SPINT2: variants seen among roughly 807,000 people sequenced by gnomAD.
SPINT2 encodes serine peptidase inhibitor, Kunitz type 2.
SPINT2 carries 18 observed loss-of-function variants against 30.1 expected under a neutral mutation model. That is an observed-to-expected ratio of 0.60 (90% CI 0.41 to 0.89). The LOEUF (loss-of-function observed/expected upper bound fraction) is 0.89. Among genes scored for constraint, SPINT2 ranks in the 40% least tolerant of loss-of-function variants. The pLI is 0.00. For missense variants in SPINT2, 276 were observed against 334.3 expected (o/e 0.83, Z 1.36); for synonymous variants, 139 against 137.9 (o/e 1.01, Z -0.05).
At chr19:38,284,585 A>AC (rs1968620041) in intron 2 of SPINT2, among the ~76,000 whole-genome samples, 1 of 152,104 alleles carries the variant, frequency 6.6e-6, no homozygotes, top group African/African-American at 2.4e-5. Flanking sequence ...AGGGAGCAAA[A>AC]CAACAGGGCA....
At chr19:38,269,670 G>A (rs1264674647) in intron 1 of SPINT2, among the ~76,000 whole-genome samples, 1 of 150,316 alleles carries the variant, frequency 6.7e-6, no homozygotes, top group East Asian at 2.0e-4. Context: ...GAGTGCAGTG[G>A]CGCGTTCTCG....
chr19:38,290,539 C>T lies in SPINT2; in HGVS notation c.556C>T (p.Gln186Ter). The change falls in exon 6 of 7, where the codon CAG becomes TAG. Residue 186 changes from glutamine (Q) to a stop codon, truncating the protein, a stop_gained and splice_region_variant. Transcript: ENST00000301244. LOFTEE classifies it high-confidence loss of function. This position sits in a 1 kb window ranked among gnomAD's most constrained non-coding sequence, Gnocchi z 4.3. ...TCAGGCTGTGTGTTCTCTTCCAGGC[C>T]AGCAGGAGAATCCTCCCCTGCCCCT... ...EEACMLRCFR[Q>*]QENPPLPLGS... The T allele has an allele frequency of 6.2e-7, 1 of 1,614,120 alleles. No homozygotes were observed. The highest frequency in any genetic ancestry group is 2.2e-5 in the East Asian group (1 of 44,878).
In SPINT2 at chr19:38,271,274, G is replaced by A. The variant is rs561201952; in HGVS notation, c.106+6276G>A. 3.1e-4 allele frequency among the ~76,000 whole-genome samples: 47 copies of A among 151,918 alleles called. 2 individuals carry two copies. In the South Asian group the frequency reaches 9.0e-3, roughly 29 times the overall value. On this transcript the variant is annotated intron_variant, in intron 1 of 6. Transcript: ENST00000301244. ...TGGGAGGCCGAGGCAGGCGGGTCAC[G>A]AGATCAGGAGATCGAGACCATCCTG...
chr19:38,269,944 T>G (rs1286586020), intron 1 of SPINT2, among the ~76,000 whole-genome samples: 2 of 152,252 alleles, frequency 1.3e-5, no homozygotes, highest in Non-Finnish European at 2.9e-5. Context: ...CAGGCTGGTC[T>G]CGAACTCCCG....
chr19:38,273,702 G>A (rs557225865), intron 1 of SPINT2, among the ~76,000 whole-genome samples: 19 of 152,166 alleles, frequency 1.2e-4, no homozygotes, highest in African/African-American at 7.2e-5. Flanking sequence ...ACTTTGACCC[G>A]TGTGGTGGTT....
intron 2 of SPINT2, 52 bp from the exon 3 acceptor site, chr19:38,287,824 T>C: frequency 5.6e-6 from 9 of 1,601,772 alleles, no homozygotes; most frequent in Non-Finnish European, 7.7e-6. Context: ...TCTTTGTCCC[T>C]GGCAGTCTCT....
At chr19:38,273,962 G>A (rs1342087268) in intron 1 of SPINT2, among the ~76,000 whole-genome samples, 1 of 152,200 alleles carries the variant, frequency 6.6e-6, no homozygotes, top group African/African-American at 2.4e-5. Flanking sequence ...CAGGTGCGGT[G>A]GCTCACGCCT....
intron 4 of SPINT2, chr19:38,289,727 T>C (rs1295603132): frequency 6.1e-6 from 2 of 325,440 alleles, no homozygotes; most frequent in East Asian, 1.6e-4. Flanking sequence ...GTTAGAGGCG[T>C]AGCCTGGCAC....
rs1968491937 is a variant in SPINT2 at position 38,274,324 on chromosome 19, T to C, written c.107-9303T>C. Among the ~76,000 whole-genome samples the C allele has an allele frequency of 1.3e-5, 2 of 152,188 alleles. 1 individual carries two copies. Among genetic ancestry groups the C allele is most frequent in the South Asian group, 4.1e-4 (2 of 4,834 alleles). On this transcript the variant is annotated intron_variant, in intron 1 of 6. Transcript: ENST00000301244. The stretch of plus-strand genomic sequence containing the variant: ...CACAACAATGTTTTTTCTTTCTTTT[T>C]TTTTGAGATGGAGTTCTTTGAAACT...
chr19:38,265,213 A>T (rs1968363832), intron 1 of SPINT2: 1 of 520,720 alleles, frequency 1.9e-6, no homozygotes, highest in African/African-American at 2.0e-5. Context: ...GAGGGTTAGG[A>T]GAGTTTCCTT....
At chr19:38,273,779 T>A (rs531226429) in intron 1 of SPINT2, among the ~76,000 whole-genome samples, 1 of 152,312 alleles carries the variant, frequency 6.6e-6, no homozygotes, top group African/African-American at 2.4e-5. Context: ...ACTTTTGGCC[T>A]TCCCTGTATA....
Position 38,292,223 on chromosome 19 carries a change from G to A in SPINT2, c.*217G>A, listed in dbSNP as rs563843466. The A allele has an allele frequency of 1.0e-5, 6 of 580,038 alleles. No individual in the cohort carries two copies. Among genetic ancestry groups the A allele is most frequent in the Admixed American group, 3.1e-5 (1 of 32,658 alleles). 35.9% of individuals were successfully genotyped at this position (580,038 alleles called of 1,614,324 possible). On this transcript the variant is annotated 3_prime_UTR_variant, in exon 7 of 7. Coordinates refer to ENST00000301244, the MANE Select transcript of SPINT2 (RefSeq NM_021102.4). ...TGGCCTGCAGTCTGGCAGCAGCCCCGAGTTGTTTCCTCGCTGATCGATTTC... is the reference window on the plus strand; with the variant it reads ...TGGCCTGCAGTCTGGCAGCAGCCCCAAGTTGTTTCCTCGCTGATCGATTTC...
In SPINT2 at chr19:38,290,292, GCCCCTC is replaced by G; in HGVS notation, c.553+13_553+18del. On this transcript the variant is annotated intron_variant, in intron 5 of 6. Transcript: ENST00000301244. This position sits in a 1 kb window ranked among gnomAD's most constrained non-coding sequence, Gnocchi z 4.3. Reference sequence around the variant, plus strand: ...GCTCCGCTGCTTCCGTAAGTCTGCAGCCCCTCAGCCCAGGAAGCCCTGCCCTTGAGG... The same window carrying G: ...GCTCCGCTGCTTCCGTAAGTCTGCAGAGCCCAGGAAGCCCTGCCCTTGAGG... The G allele has an allele frequency of 6.2e-7, 1 of 1,610,720 alleles. No homozygotes were observed. Among genetic ancestry groups the G allele is most frequent in the Non-Finnish European group, 8.5e-7 (1 of 1,179,376 alleles).
chr19:38,290,425 G>T lies in SPINT2; in HGVS notation c.554-112G>T. ...CCTCTAAGCCCCAGAAAAGCTGGAA[G>T]AAAGCCCCTCAGAAAGAGCTCCCCA... On this transcript the variant is annotated intron_variant, in intron 5 of 6. Coordinates refer to ENST00000301244, the MANE Select transcript of SPINT2 (RefSeq NM_021102.4). The surrounding 1 kb of genome is among the most constrained non-coding windows in gnomAD (Gnocchi z 4.3). The T allele has an allele frequency of 6.3e-7, 1 of 1,599,726 alleles. No homozygotes were observed. The highest frequency in any genetic ancestry group is 8.5e-7 in the Non-Finnish European group (1 of 1,172,494).
intron 1 of SPINT2, among the ~76,000 whole-genome samples, chr19:38,270,175 C>T (rs1968437028): frequency 6.6e-6 from 1 of 152,176 alleles, no homozygotes; most frequent in Non-Finnish European, 1.5e-5. Context: ...TCCTCACCCC[C>T]ATGGATAGTC....
chr19:38,267,497 A>G (rs1968393582), intron 1 of SPINT2, among the ~76,000 whole-genome samples: 1 of 152,084 alleles, frequency 6.6e-6, no homozygotes, highest in African/African-American at 2.4e-5. Flanking sequence ...GCCGAGGTAG[A>G]TGGTAGGGCC....
chr19:38,291,827 C>G lies in SPINT2; in HGVS notation c.593-13C>G. The G allele has an allele frequency of 6.2e-7, 1 of 1,611,880 alleles. No individual in the cohort carries two copies. Among genetic ancestry groups the G allele is most frequent in the Non-Finnish European group, 8.5e-7 (1 of 1,179,750 alleles). The stretch of plus-strand genomic sequence containing the variant: ...TTGCCTGGCCCGTCCTGAGGCCCCT[C>G]TCTCGTCCTCAGTGGTGGTTCTGGC... On this transcript the variant is annotated splice_polypyrimidine_tract_variant and intron_variant, in intron 6 of 6. Transcript: ENST00000301244.
intron 1 of SPINT2, among the ~76,000 whole-genome samples, chr19:38,269,716 T>C (rs2146265819): frequency 6.6e-6 from 1 of 150,494 alleles, no homozygotes; most frequent in East Asian, 2.0e-4. Flanking sequence ...GTTCACACCA[T>C]TCTCCTGCCT....
rs1968698241 is a variant in SPINT2 at position 38,290,144 on chromosome 19, T to G, written c.417T>G (p.Thr139=). ...AATACTGCACCGCCAACGCAGTCAC[T>G]GGGCCTTGCCGTGCATCCTTCCCAC... ...YEEYCTANAV[T]GPCRASFPRW... The change falls in exon 5 of 7, where the codon ACT becomes ACG. Residue 139 remains threonine, a synonymous_variant. Transcript: ENST00000301244. This position sits in a 1 kb window ranked among gnomAD's most constrained non-coding sequence, Gnocchi z 4.3. 2.3e-5 allele frequency: 37 copies of G among 1,612,598 alleles called. No individual in the cohort carries two copies. The highest frequency in any genetic ancestry group is 3.1e-5 in the Non-Finnish European group (36 of 1,180,030).
Sources: allele counts gnomAD v4.1 joint callset (sites outside exome capture counted in the v4.1 genomes callset), GRCh38; gene constraint gnomAD v4.1.1; non-coding constraint Gnocchi (gnomAD v3.1); transcripts MANE v1.5; gene names NCBI Gene and HGNC (gene_info 2026-07-23, HGNC 2026-07-21).